DNAH11: variants seen among roughly 807,000 people sequenced by gnomAD.
DNAH11 encodes dynein axonemal heavy chain 11.
A neutral mutation model predicts 526.0 loss-of-function variants in DNAH11; 442 were observed. The ratio of observed to expected loss-of-function variants is 0.84; its 90% CI spans 0.78 to 0.91. DNAH11 has a LOEUF of 0.91. DNAH11 is among the 40% of genes least tolerant of loss of function. DNAH11 has a pLI of 0.00. For missense variants in DNAH11, 6,989 were observed against 5,448.7 expected (o/e 1.28, Z -8.90); for synonymous variants, 2,461 against 1,935.9 (o/e 1.27, Z -7.12).
At chr7:21,872,594 G>A (rs982282675) in intron 73 of DNAH11, among the ~76,000 whole-genome samples, 3 of 152,156 alleles carry the variant, frequency 2.0e-5, no homozygotes, top group African/African-American at 7.2e-5. Context: ...TAACCTGTAG[G>A]TGTTTGGTAT....
intron 38 of DNAH11, 116 bp downstream of exon 38, chr7:21,704,744 A>G (rs1784201029): frequency 3.4e-6 from 4 of 1,164,394 alleles, no homozygotes; most frequent in Non-Finnish European, 4.7e-6. Context: ...TAGGATCTTA[A>G]TATATGCTTT....
chr7:21,805,564 G>T (rs1319768523), intron 62 of DNAH11, among the ~76,000 whole-genome samples: 1 of 152,142 alleles, frequency 6.6e-6, no homozygotes, highest in African/African-American at 2.4e-5. Flanking sequence ...AAAGTAGCAA[G>T]ATTTAAGCAG....
At chr7:21,752,576 C>G (rs1032570184) in intron 54 of DNAH11, among the ~76,000 whole-genome samples, 1 of 152,046 alleles carries the variant, frequency 6.6e-6, no homozygotes, top group Non-Finnish European at 1.5e-5. Context: ...GTTTATAGGT[C>G]TGTAACTTTC....
intron 29 of DNAH11, 109 bp downstream of exon 29, chr7:21,656,090 C>T: frequency 1.6e-6 from 2 of 1,282,626 alleles, no homozygotes; most frequent in Non-Finnish European, 2.1e-6. Context: ...TCAGGCTCTG[C>T]TTAGTTTTGT....
intron 78 of DNAH11, 29 bp downstream of exon 78, chr7:21,894,834 T>C: frequency 1.9e-6 from 3 of 1,611,828 alleles, no homozygotes; most frequent in South Asian, 1.1e-5. Context: ...TATAGTAGAC[T>C]TCAGCACATT....
chr7:21,748,680 C>G lies in DNAH11; in HGVS notation c.8611C>G (p.Leu2871Val), dbSNP rs772831792. Reference sequence around the variant, plus strand: ...GAGCTTGTCCAGGCTGGCAGCTTACCTTCGTGGCCTTGAGGTCTTTCAGAT... The same window carrying G: ...GAGCTTGTCCAGGCTGGCAGCTTACGTTCGTGGCCTTGAGGTCTTTCAGAT... ...KQSLSRLAAYLRGLEVFQITL... is the reference protein window; with the variant it reads ...KQSLSRLAAYVRGLEVFQITL... Residue 2871 changes from leucine to valine, a missense_variant, in exon 52 of 82, where the codon CTT becomes GTT. Transcript: ENST00000409508. 1.9e-6 allele frequency: 3 copies of G among 1,613,606 alleles called. No individual in the cohort carries two copies. Among genetic ancestry groups the G allele is most frequent in the Non-Finnish European group, 2.5e-6 (3 of 1,179,718 alleles).
At chr7:21,663,492 G>A (rs1234235734) in intron 30 of DNAH11, among the ~76,000 whole-genome samples, 1 of 152,012 alleles carries the variant, frequency 6.6e-6, no homozygotes, top group South Asian at 2.1e-4. Context: ...CATCTGTGTT[G>A]TTGTTGGTCT....
intron 45 of DNAH11, among the ~76,000 whole-genome samples, chr7:21,727,776 C>T (rs1785194455): frequency 6.6e-6 from 1 of 152,190 alleles, no homozygotes; most frequent in African/African-American, 2.4e-5. Flanking sequence ...CTGGAGCTGC[C>T]ATAACAAAAG....
Position 21,717,936 on chromosome 7 carries a change from G to T in DNAH11, c.7134+11G>T, listed in dbSNP as rs781116115. ...AGTAGCCTGGTGCAGGTTTGTCTTCGGTTACGCCATTTAACGTTCTAGTTC... is the reference window on the plus strand; with the variant it reads ...AGTAGCCTGGTGCAGGTTTGTCTTCTGTTACGCCATTTAACGTTCTAGTTC... On this transcript the variant is annotated intron_variant, in intron 43 of 81. Transcript: ENST00000409508. 1 of 1,607,544 alleles carries T rather than the reference G, an allele frequency of 6.2e-7. No homozygotes were observed. The highest frequency in any genetic ancestry group is 1.1e-5 in the South Asian group (1 of 90,128).
intron 6 of DNAH11, among the ~76,000 whole-genome samples, chr7:21,567,621 G>A (rs1411281105): frequency 1.3e-5 from 2 of 152,164 alleles, no homozygotes; most frequent in Non-Finnish European, 2.9e-5. Flanking sequence ...AGGTGGAACA[G>A]GTGCTGTGTA....
In DNAH11 at chr7:21,551,417, C is replaced by T. The variant is rs535273271; in HGVS notation, c.495+6268C>T. On this transcript the variant is annotated intron_variant, in intron 2 of 81. Coordinates refer to ENST00000409508, the MANE Select transcript of DNAH11 (RefSeq NM_001277115.2). Reference sequence around the variant, plus strand: ...TTTCTAAAACCTGTTTGACCAGTTCCCCATGTACCAATTCCTTTCCGCTGC... The same window carrying T: ...TTTCTAAAACCTGTTTGACCAGTTCTCCATGTACCAATTCCTTTCCGCTGC... Among the ~76,000 whole-genome samples the T allele has an allele frequency of 2.0e-5, 3 of 152,288 alleles. No individual in the cohort carries two copies. In the East Asian group the frequency reaches 5.8e-4, roughly 29 times the overall value.
At chr7:21,891,427 T>C (rs1384208430) in intron 76 of DNAH11, among the ~76,000 whole-genome samples, 1 of 152,142 alleles carries the variant, frequency 6.6e-6, no homozygotes. Flanking sequence ...GGGTTAATGG[T>C]CCCTGGAAAC....
At chr7:21,620,963 C>G (rs543208305) in intron 25 of DNAH11, among the ~76,000 whole-genome samples, 1 of 151,988 alleles carries the variant, frequency 6.6e-6, no homozygotes, top group South Asian at 2.1e-4. Flanking sequence ...CCAGTCTATC[C>G]TCGTTGGACA....
chr7:21,775,693 CCATGT>C (rs1448403028), intron 56 of DNAH11, among the ~76,000 whole-genome samples: 4 of 152,100 alleles, frequency 2.6e-5, no homozygotes, highest in African/African-American at 7.2e-5. Flanking sequence ...TTGCCCCTCT[CCATGT>C]CAGTTTTCTT....
At position 21,861,869 on chromosome 7, in the gene DNAH11, T is replaced by C. The variant is rs1562590163; in HGVS notation, c.11219T>C (p.Phe3740Ser). 6.2e-7 allele frequency: 1 copy of C among 1,612,822 alleles called. No individual in the cohort carries two copies. The highest frequency in any genetic ancestry group is 1.3e-5 in the African/African-American group (1 of 74,978). Residue 3740 changes from phenylalanine to serine, a missense_variant, in exon 69 of 82, where the codon TTC (phenylalanine) becomes TCC (serine). By Grantham distance (155) the Phe-to-Ser change is radical. Coordinates refer to ENST00000409508, the MANE Select transcript of DNAH11 (RefSeq NM_001277115.2). The stretch of plus-strand genomic sequence containing the variant: ...ATTTCCCAGGCTTTTAACGTGCTGT[T>C]CCACAGAGCGATCGAGCAGGCTGAC... The part of the protein sequence containing the change: ...QFSLKAFNVL[F>S]HRAIEQADKV...
chr7:21,724,606 A>G (rs16872867), intron 44 of DNAH11, among the ~76,000 whole-genome samples: 1,791 of 144,338 alleles, frequency 0.012, 39 homozygotes, highest in African/African-American at 0.045. Flanking sequence ...TCCTGTGGAT[A>G]TAAGAGGTAC....
At chr7:21,689,995 C>T (rs560625356) in intron 34 of DNAH11, among the ~76,000 whole-genome samples, 25 of 152,308 alleles carry the variant, frequency 1.6e-4, no homozygotes, top group East Asian at 5.8e-4. Context: ...ATTTCTCCAA[C>T]GCAAATCTTT....
At chr7:21,577,610 T>C (rs550163525) in intron 8 of DNAH11, among the ~76,000 whole-genome samples, 1 of 152,116 alleles carries the variant, frequency 6.6e-6, no homozygotes, top group East Asian at 1.9e-4. Context: ...GAACTGGAAG[T>C]CCCAACCCAG....
At chr7:21,895,587 C>G (rs1452350750) in intron 79 of DNAH11, among the ~76,000 whole-genome samples, 1 of 152,188 alleles carries the variant, frequency 6.6e-6, no homozygotes, top group Non-Finnish European at 1.5e-5. Flanking sequence ...CAGGAAGTTT[C>G]ACAAAGCTGT....
Sources: allele counts gnomAD v4.1 joint callset (sites outside exome capture counted in the v4.1 genomes callset), GRCh38; gene constraint gnomAD v4.1.1; transcripts MANE v1.5; gene names NCBI Gene and HGNC (gene_info 2026-07-23, HGNC 2026-07-21).